B3GALT1: variants seen among roughly 807,000 people sequenced by gnomAD.
B3GALT1 encodes the protein beta-1,3-galactosyltransferase 1, also known as UDP-Gal:betaGlcNAc beta 1,3-galactosyltransferase, polypeptide 1.
B3GALT1 carries 10 observed loss-of-function variants against 23.2 expected under a neutral mutation model. The observed-to-expected ratio is 0.43, with a 90% CI of 0.27 to 0.73. The LOEUF (loss-of-function observed/expected upper bound fraction) is 0.73. Among genes scored for constraint, B3GALT1 ranks in the 30% least tolerant of loss-of-function variants. The pLI is 0.21. For missense variants in B3GALT1, 299 were observed against 405.4 expected (o/e 0.74, Z 2.25); for synonymous variants, 156 against 141.5 (o/e 1.10, Z -0.73).
chr2:167,427,619 C>T (rs910500059), intron 1 of B3GALT1, among the ~76,000 whole-genome samples: 3 of 152,160 alleles, frequency 2.0e-5, no homozygotes, highest in Non-Finnish European at 2.9e-5. Flanking sequence ...TGACTGCAGC[C>T]TCGAATCCCT....
In B3GALT1 at chr2:167,834,220, A is replaced by G. The variant is rs928039777; in HGVS notation, c.-230+15427A>G. On this transcript the variant is annotated intron_variant, in intron 4 of 4. Transcript: ENST00000392690. ...TTAAAAGGAGCCTCCACTTTGTATC[A>G]TGAAGACTGGGTACATGTAACAGTC... Among the ~76,000 whole-genome samples the G allele has an allele frequency of 2.6e-5, 4 of 152,332 alleles. No individual in the cohort carries two copies. In the South Asian group the frequency reaches 6.2e-4, roughly 24 times the overall value.
chr2:167,467,885 T>C (rs10205907), intron 1 of B3GALT1, among the ~76,000 whole-genome samples: 17,359 of 152,216 alleles, frequency 0.11, 1,173 homozygotes, highest in African/African-American at 0.2. Flanking sequence ...TGCCAGACAC[T>C]GTTTATGACA....
chr2:167,669,066 T>G (rs1488213950), intron 3 of B3GALT1, among the ~76,000 whole-genome samples: 1 of 152,170 alleles, frequency 6.6e-6, no homozygotes, highest in Non-Finnish European at 1.5e-5. Context: ...CTCTTTATCT[T>G]TCTCTTATTT....
At chr2:167,387,716 A>C (rs144012089) in intron 1 of B3GALT1, among the ~76,000 whole-genome samples, 2 of 152,192 alleles carry the variant, frequency 1.3e-5, no homozygotes, top group African/African-American at 4.8e-5. Flanking sequence ...ACGTGCATTT[A>C]ATTTAGGTTA....
chr2:167,663,312 AG>A (rs1330794618), intron 3 of B3GALT1, among the ~76,000 whole-genome samples: 1 of 152,052 alleles, frequency 6.6e-6, no homozygotes, highest in Non-Finnish European at 1.5e-5. Context: ...ATGGCTGCAT[AG>A]TATTCCATGG....
intron 3 of B3GALT1, among the ~76,000 whole-genome samples, chr2:167,667,689 A>G (rs1283088085): frequency 6.6e-6 from 1 of 151,976 alleles, no homozygotes; most frequent in African/African-American, 2.4e-5. Context: ...TTCTCGCTTC[A>G]TTTCATTCAT....
At chr2:167,524,222 C>T (rs1683183917) in intron 2 of B3GALT1, among the ~76,000 whole-genome samples, 1 of 151,966 alleles carries the variant, frequency 6.6e-6, no homozygotes, top group Admixed American at 6.6e-5. Flanking sequence ...ATATTTTTGT[C>T]ATATATATTG....
In B3GALT1 at chr2:167,515,857, T is replaced by C. The variant is rs376687412; in HGVS notation, c.-410+25580T>C. On this transcript the variant is annotated intron_variant, in intron 2 of 4. Transcript: ENST00000392690. ...TTATTACAAAGTAACTTTTATGTTA[T>C]ATGATTAAAGAATACTCCAGCCAAA... is the stretch of plus-strand genomic sequence containing the variant. 5.3e-5 allele frequency among the ~76,000 whole-genome samples: 8 copies of C among 152,092 alleles called. No individual in the cohort carries two copies. The East Asian group carries it at 7.7e-4, about 15-fold the overall frequency.
intron 1 of B3GALT1, among the ~76,000 whole-genome samples, chr2:167,446,267 C>T (rs1311266758): frequency 6.6e-6 from 1 of 152,158 alleles, no homozygotes; most frequent in East Asian, 1.9e-4. Context: ...TTGTGGGTAA[C>T]CTGACCTTAC....
At chr2:167,825,901 A>G (rs1365945654) in intron 4 of B3GALT1, among the ~76,000 whole-genome samples, 1 of 152,124 alleles carries the variant, frequency 6.6e-6, no homozygotes, top group Admixed American at 6.5e-5. Flanking sequence ...TTTCCTTTTA[A>G]ATTAAATACT....
chr2:167,713,433 C>A (rs1412244591), intron 3 of B3GALT1, among the ~76,000 whole-genome samples: 3 of 152,136 alleles, frequency 2.0e-5, no homozygotes, highest in African/African-American at 7.2e-5. Context: ...TCCTAACAAA[C>A]TTATCTGTAT....
At chr2:167,495,513 A>G (rs975357728) in intron 2 of B3GALT1, among the ~76,000 whole-genome samples, 1 of 151,778 alleles carries the variant, frequency 6.6e-6, no homozygotes, top group African/African-American at 2.4e-5. Context: ...TTGTATTTTT[A>G]GTAGAGACAG....
Position 167,708,900 on chromosome 2 carries a change from A to T in B3GALT1, c.-352+61934A>T, listed in dbSNP as rs562161280. Among the ~76,000 whole-genome samples, 26 of 152,336 alleles carry T rather than the reference A, an allele frequency of 1.7e-4. No individual in the cohort carries two copies. The East Asian group carries it at 4.4e-3, about 26-fold the overall frequency. The stretch of plus-strand genomic sequence containing the variant: ...GCCACCACCTCCATCTCCCCCAGTA[A>T]GAAGGCAGAAAATATTACTGTCTAT... On this transcript the variant is annotated intron_variant, in intron 3 of 4. Coordinates refer to ENST00000392690, the MANE Select transcript of B3GALT1 (RefSeq NM_020981.4).
intron 3 of B3GALT1, among the ~76,000 whole-genome samples, chr2:167,673,217 A>G (rs1214146003): frequency 2.0e-5 from 3 of 152,122 alleles, no homozygotes; most frequent in Non-Finnish European, 4.4e-5. Context: ...GACATGAAGT[A>G]TGAGAGGGAA....
chr2:167,657,858 G>T (rs1170659367), intron 3 of B3GALT1, among the ~76,000 whole-genome samples: 1 of 151,986 alleles, frequency 6.6e-6, no homozygotes, highest in Non-Finnish European at 1.5e-5. Flanking sequence ...AAACTGATAT[G>T]AGTCCCTCAA....
At chr2:167,577,871 TAAGAG>T (rs956253864) in intron 2 of B3GALT1, among the ~76,000 whole-genome samples, 4 of 152,046 alleles carry the variant, frequency 2.6e-5, no homozygotes, top group East Asian at 3.9e-4. Flanking sequence ...AAAAAAAAGT[TAAGAG>T]AAGTTAAGAA....
At chr2:167,430,106 C>T (rs1405882834) in intron 1 of B3GALT1, among the ~76,000 whole-genome samples, 1 of 152,038 alleles carries the variant, frequency 6.6e-6, no homozygotes, top group Non-Finnish European at 1.5e-5. Flanking sequence ...ATAAACAGTG[C>T]CAAGGTCAGT....
chr2:167,752,602 C>CCCCCCCCCCCCCCT (rs1687756097), intron 3 of B3GALT1, among the ~76,000 whole-genome samples: 1 of 146,676 alleles, frequency 6.8e-6, no homozygotes, highest in African/African-American at 2.5e-5. Flanking sequence ...CCACACCCCC[C>CCCCCCCCCCCCCCT]TTCCCCGCTT....
At chr2:167,617,161 A>G (rs968407367) in intron 2 of B3GALT1, among the ~76,000 whole-genome samples, 4 of 152,104 alleles carry the variant, frequency 2.6e-5, no homozygotes, top group African/African-American at 4.8e-5. Context: ...TTAAACTTAA[A>G]GCCTCATGGT....
Sources: gnomAD v4.1 joint callset for allele counts (sites outside exome capture counted in the v4.1 genomes callset) on GRCh38, gnomAD v4.1.1 for gene constraint, MANE v1.5 for transcripts, NCBI Gene and HGNC (gene_info 2026-07-23, HGNC 2026-07-21) for gene names.